Variants in ITGAV observed in about 807,000 individuals in gnomAD.
The protein encoded by ITGAV is integrin alpha-V.
Under a neutral mutation model 143.8 loss-of-function variants are expected in ITGAV, and 76 were observed. That is an observed-to-expected ratio of 0.53 (90% confidence interval 0.44 to 0.64). The LOEUF (loss-of-function observed/expected upper bound fraction) is 0.64. Ranked by LOEUF, ITGAV falls within the 30% of genes least tolerant of loss-of-function variation. The pLI is 0.00. For synonymous variants in ITGAV, 453 were observed against 446.7 expected, an observed-to-expected ratio of 1.01 and a Z score of -0.18; for missense variants, 1,193 against 1,274.7, an observed-to-expected ratio of 0.94 and a Z score of 0.98.
intron 12 of ITGAV, among the ~76,000 whole-genome samples, chr2:186,643,347 T>G (rs1186047103): frequency 6.6e-6 from 1 of 152,204 alleles, no homozygotes; most frequent in Non-Finnish European, 1.5e-5. Context: ...CCATAGAGGA[T>G]GATTATGGTC....
chr2:186,633,351 G>T lies in ITGAV; in HGVS notation c.608G>T (p.Gly203Val). The T allele has an allele frequency of 6.3e-7, 1 of 1,586,080 alleles. No homozygotes were observed. The highest frequency in any genetic ancestry group is 8.6e-7 in the Non-Finnish European group (1 of 1,160,858). ...FTKADRVLLG[G>V]PGSFYWQGQL... ...TAGGCTGACAGAGTACTTCTTGGTG[G>T]TCCTGGTAGCTTTTATTGGCAAGGT... Residue 203 changes from glycine (G) to valine (V), a missense_variant, in exon 6 of 30, where the codon GGT becomes GTT. By Grantham distance (109) the Gly-to-Val change is moderately radical (BLOSUM62 -3). Transcript: ENST00000261023.
intron 2 of ITGAV, among the ~76,000 whole-genome samples, chr2:186,604,572 C>T (rs972412043): frequency 6.6e-6 from 1 of 152,148 alleles, no homozygotes; most frequent in Non-Finnish European, 1.5e-5. Flanking sequence ...GTATTGTATA[C>T]TTTCCCTCAC....
At chr2:186,662,528 C>T (rs1450229745) in intron 18 of ITGAV, among the ~76,000 whole-genome samples, 1 of 152,094 alleles carries the variant, frequency 6.6e-6, no homozygotes, top group Non-Finnish European at 1.5e-5. Context: ...ATGCTTAATT[C>T]TCTTACTGCA....
intron 12 of ITGAV, among the ~76,000 whole-genome samples, chr2:186,642,625 C>T (rs1288223747): frequency 2.6e-5 from 4 of 151,276 alleles, no homozygotes; most frequent in African/African-American, 9.7e-5. Context: ...GCCTCAACCT[C>T]CCAGGGTCAA....
intron 4 of ITGAV, among the ~76,000 whole-genome samples, chr2:186,626,404 T>G (rs1437793668): frequency 6.6e-6 from 1 of 152,202 alleles, no homozygotes; most frequent in East Asian, 1.9e-4. Context: ...ACCAGAAGCA[T>G]AAAAATAGGT....
intron 1 of ITGAV, among the ~76,000 whole-genome samples, chr2:186,599,450 A>G (rs1351867736): frequency 6.6e-6 from 1 of 152,198 alleles, no homozygotes; most frequent in Non-Finnish European, 1.5e-5. Flanking sequence ...AAACAAACAT[A>G]TTAATAATTG....
intron 18 of ITGAV, among the ~76,000 whole-genome samples, chr2:186,659,580 G>A (rs910407424): frequency 6.6e-6 from 1 of 151,780 alleles, no homozygotes; most frequent in Admixed American, 6.6e-5. Flanking sequence ...GAAAACCAAA[G>A]AAAGCAACAA....
intron 1 of ITGAV, among the ~76,000 whole-genome samples, chr2:186,598,249 T>A (rs1003593074): frequency 2.7e-5 from 4 of 150,596 alleles, no homozygotes; most frequent in Admixed American, 2.0e-4. Flanking sequence ...TTTAGACCCG[T>A]AGAAAAAAAA....
In ITGAV at chr2:186,654,098, C is replaced by A. The variant is rs117983832; in HGVS notation, c.1506-552C>A. 8.5e-3 allele frequency among the ~76,000 whole-genome samples: 1,299 copies of A among 152,160 alleles called. 41 individuals are homozygous for A. In the East Asian group the frequency reaches 0.091, roughly 11 times the overall value. ...CTGTAATCCCAGCACTTTGGGAGAC[C>A]AAGGCGGGCGAATCACCAGAGGTCA... On this transcript the variant is annotated intron_variant, in intron 15 of 29. Transcript: ENST00000261023.
chr2:186,597,325 C>T (rs894869835), intron 1 of ITGAV, among the ~76,000 whole-genome samples: 2 of 152,116 alleles, frequency 1.3e-5, no homozygotes, highest in African/African-American at 2.4e-5. Flanking sequence ...AGATGTTACA[C>T]AAGGAAATTG....
intron 1 of ITGAV, among the ~76,000 whole-genome samples, chr2:186,591,976 G>A (rs1240666321): frequency 6.6e-6 from 1 of 152,130 alleles, no homozygotes; most frequent in Non-Finnish European, 1.5e-5. Context: ...AACCACAGGG[G>A]TGAATACCAA....
chr2:186,668,328 C>T (rs1240930176), intron 24 of ITGAV, among the ~76,000 whole-genome samples: 5 of 142,792 alleles, frequency 3.5e-5, no homozygotes, highest in Non-Finnish European at 7.5e-5. Context: ...CGGGTTCAAG[C>T]GATTCTCCTG....
At chr2:186,632,190 G>A (rs1254096230) in intron 5 of ITGAV, among the ~76,000 whole-genome samples, 3 of 151,990 alleles carry the variant, frequency 2.0e-5, no homozygotes, top group Admixed American at 2.0e-4. Context: ...AAGCCAAAGA[G>A]AGATAAAGTA....
At chr2:186,639,203 T>C (rs755334803) in intron 10 of ITGAV, among the ~76,000 whole-genome samples, 10 of 152,212 alleles carry the variant, frequency 6.6e-5, no homozygotes, top group Non-Finnish European at 1.5e-4. Context: ...TTCTCTGTTG[T>C]ATGTCTCAAA....
chr2:186,594,034 A>C (rs1290804419), intron 1 of ITGAV, among the ~76,000 whole-genome samples: 3 of 152,158 alleles, frequency 2.0e-5, no homozygotes, highest in African/African-American at 7.2e-5. Flanking sequence ...TACAGTTGGC[A>C]ATGTGTAGAT....
intron 14 of ITGAV, among the ~76,000 whole-genome samples, chr2:186,651,426 T>C (rs1243111078): frequency 6.6e-6 from 1 of 152,172 alleles, no homozygotes; most frequent in African/African-American, 2.4e-5. Context: ...GTGGTAAAAA[T>C]GCAAACACTA....
intron 4 of ITGAV, among the ~76,000 whole-genome samples, chr2:186,626,437 T>G (rs933960789): frequency 6.6e-6 from 1 of 152,198 alleles, no homozygotes; most frequent in Non-Finnish European, 1.5e-5. Flanking sequence ...GTATAGTGTT[T>G]ATGCCTAGAG....
At chr2:186,592,575 T>TTTTTTTTTTTCGGTG (rs954991711) in intron 1 of ITGAV, among the ~76,000 whole-genome samples, 6 of 17,636 alleles carry the variant, frequency 3.4e-4, no homozygotes, top group Non-Finnish European at 1.2e-3. Flanking sequence ...ACTTTAAGTG[T>TTTTTTTTTTTCGGTG]TTTTTTTTTT....
intron 10 of ITGAV, among the ~76,000 whole-genome samples, chr2:186,640,325 CA>C (rs1165946080): frequency 1.3e-5 from 2 of 152,118 alleles, no homozygotes; most frequent in Non-Finnish European, 2.9e-5. Flanking sequence ...GTGTGTGATT[CA>C]AAAGCAAAAT....
Sources: gnomAD v4.1 joint callset for allele counts (sites outside exome capture counted in the v4.1 genomes callset) on GRCh38, gnomAD v4.1.1 for gene constraint, MANE v1.5 for transcripts, NCBI Gene and HGNC (gene_info 2026-07-23, HGNC 2026-07-21) for gene names.